LRRC7: variants seen among roughly 807,000 people sequenced by gnomAD.
LRRC7 encodes the protein leucine-rich repeat-containing protein 7.
A neutral mutation model predicts 175.7 loss-of-function variants in LRRC7; 23 were observed. The ratio of observed to expected loss-of-function variants is 0.13; its 90% CI spans 0.09 to 0.19. The LOEUF is 0.19. LRRC7 is among the 10% of genes least tolerant of loss of function. The pLI, the probability that LRRC7 is intolerant of heterozygous loss-of-function variation, is 1.00. For missense variants in LRRC7, 1,354 were observed against 1,904.7 expected, an observed-to-expected ratio of 0.71 and a Z score of 5.38; for synonymous variants, 685 against 680.9, an observed-to-expected ratio of 1.01 and a Z score of -0.09.
rs1410311411 is a variant in LRRC7, at chr1:69,717,940, G to A, written c.100+39462G>A. ...GAGAGAAAAAAAGAAAAGAAAGAAA[G>A]AAAGAAAGAAAGAAAGAAGAAAAAG... is the stretch of plus-strand genomic sequence containing the variant. On this transcript the variant is annotated intron_variant, in intron 2 of 26. Transcript: ENST00000651989. 4.0e-5 allele frequency among the ~76,000 whole-genome samples: 3 copies of A among 75,890 alleles called. 1 individual carries two copies. The highest frequency in any genetic ancestry group is 2.6e-4 in the African/African-American group (3 of 11,642). 49.8% of individuals were successfully genotyped at this position (75,890 alleles called of 152,430 possible).
intron 4 of LRRC7, among the ~76,000 whole-genome samples, chr1:69,807,114 G>A (rs973982410): frequency 2.0e-5 from 3 of 151,946 alleles, no homozygotes; most frequent in African/African-American, 7.2e-5. Context: ...GACTAGGATG[G>A]CAACCCCTGC....
At chr1:69,754,738 T>G (rs918174315) in intron 2 of LRRC7, among the ~76,000 whole-genome samples, 1 of 152,052 alleles carries the variant, frequency 6.6e-6, no homozygotes, top group Non-Finnish European at 1.5e-5. Flanking sequence ...ATGCCAATTA[T>G]GTGCATGTGA....
intron 3 of LRRC7, among the ~76,000 whole-genome samples, chr1:69,785,729 T>TA (rs1354414071): frequency 9.9e-5 from 15 of 152,262 alleles, no homozygotes; most frequent in Non-Finnish European, 1.3e-4. Flanking sequence ...AACTTTGATC[T>TA]AAAGTTAATC....
intron 3 of LRRC7, among the ~76,000 whole-genome samples, chr1:69,781,881 A>T: frequency 6.9e-6 from 1 of 144,350 alleles, no homozygotes; most frequent in Non-Finnish European, 1.5e-5. Context: ...AGGAAGAAAG[A>T]AAAGGAAGGA....
intron 3 of LRRC7, among the ~76,000 whole-genome samples, chr1:69,761,699 G>C (rs892648116): frequency 1.3e-5 from 2 of 151,898 alleles, no homozygotes; most frequent in Non-Finnish European, 2.9e-5. Flanking sequence ...GAAATAGACT[G>C]TCTGTTGTAC....
intron 7 of LRRC7, among the ~76,000 whole-genome samples, chr1:69,904,467 G>A (rs1451653394): frequency 3.3e-5 from 5 of 152,044 alleles, no homozygotes; most frequent in African/African-American, 7.2e-5. Flanking sequence ...AAAAAACCAT[G>A]CAAATGGAAA....
intron 8 of LRRC7, among the ~76,000 whole-genome samples, chr1:69,965,387 C>G (rs1470138505): frequency 1.1e-4 from 16 of 152,154 alleles, no homozygotes; most frequent in Admixed American, 1.0e-3. Flanking sequence ...GCCATTAATA[C>G]AATCCTCCGA....
chr1:69,838,422 G>T (rs1681358184), intron 7 of LRRC7, 139 bp downstream of exon 7: 8 of 638,948 alleles, frequency 1.3e-5, no homozygotes, highest in Non-Finnish European at 2.3e-5. Context: ...AAAAAGTATG[G>T]TATACTGTAA....
intron 21 of LRRC7, among the ~76,000 whole-genome samples, chr1:70,042,925 G>A (rs927786394): frequency 6.6e-6 from 1 of 151,934 alleles, no homozygotes; most frequent in African/African-American, 2.4e-5. Context: ...CCTCAGAATA[G>A]AATAGCTACC....
chr1:69,861,868 C>A (rs1684395454), intron 7 of LRRC7, among the ~76,000 whole-genome samples: 1 of 152,196 alleles, frequency 6.6e-6, no homozygotes, highest in Non-Finnish European at 1.5e-5. Context: ...GAGACAAGTG[C>A]CTGTCAGGCC....
intron 7 of LRRC7, among the ~76,000 whole-genome samples, chr1:69,857,663 A>G (rs928429851): frequency 1.9e-4 from 29 of 152,196 alleles, no homozygotes; most frequent in Non-Finnish European, 2.9e-5. Flanking sequence ...AAGAATCAAT[A>G]TCGTAAAAAT....
chr1:70,092,535 GTTAA>G (rs1162009031), intron 25 of LRRC7, among the ~76,000 whole-genome samples: 1 of 152,100 alleles, frequency 6.6e-6, no homozygotes, highest in East Asian at 1.9e-4. Context: ...CTGTACTGAA[GTTAA>G]TTAATACATT....
chr1:69,617,256 CAGGACTAGTATGGCATATAATGCAAATCG>C (rs1649777176), intron 1 of LRRC7, among the ~76,000 whole-genome samples: 1 of 151,884 alleles, frequency 6.6e-6, no homozygotes, highest in South Asian at 2.1e-4. Context: ...CAGTATTAAG[CAGGACTAGTATGGCATATAATGCAAATCG>C]AGTCAAATGC....
intron 22 of LRRC7, 88 bp downstream of exon 22, chr1:70,044,182 C>A: frequency 7.2e-7 from 1 of 1,396,656 alleles, no homozygotes; most frequent in Non-Finnish European, 9.8e-7. Context: ...ATACATACAA[C>A]CCTGCTTACT....
intron 6 of LRRC7, among the ~76,000 whole-genome samples, chr1:69,837,008 T>C (rs1681193766): frequency 6.6e-6 from 1 of 151,914 alleles, no homozygotes; most frequent in Admixed American, 6.6e-5. Context: ...ATCCAATTAA[T>C]ATCTGTTCTA....
chr1:69,941,206 G>C (rs748748483), intron 8 of LRRC7, among the ~76,000 whole-genome samples: 2 of 152,086 alleles, frequency 1.3e-5, no homozygotes. Context: ...TTAATTTGTG[G>C]AGTGGGAGAG....
rs1673661375 is a variant in LRRC7, at chr1:69,781,778, AAAGAAAGAAAGGAAGG to A, written c.304-10261_304-10246del. Among the ~76,000 whole-genome samples the A allele has an allele frequency of 5.2e-4, 32 of 61,398 alleles. 1 individual carries two copies. Among genetic ancestry groups the A allele is most frequent in the Non-Finnish European group, 7.1e-4 (22 of 31,116 alleles). 40.3% of individuals were successfully genotyped at this position (61,398 alleles called of 152,430 possible). On this transcript the variant is annotated intron_variant, in intron 3 of 26. Transcript: ENST00000651989. The stretch of plus-strand genomic sequence containing the variant: ...GAGAGAGAGAGAGAAAGAAAGAAAG[AAAGAAAGAAAGGAAGG>A]AAGGAAGGAAGGAAGGAAGGAAGGA...
chr1:69,631,746 C>T (rs1652535698), intron 1 of LRRC7, among the ~76,000 whole-genome samples: 1 of 152,084 alleles, frequency 6.6e-6, no homozygotes, highest in Non-Finnish European at 1.5e-5. Flanking sequence ...GCTTCTTCTA[C>T]CACTTTTCCT....
chr1:69,656,524 T>C (rs566605859), intron 1 of LRRC7, among the ~76,000 whole-genome samples: 2 of 152,106 alleles, frequency 1.3e-5, no homozygotes, highest in South Asian at 2.1e-4. Context: ...GTATGTGGAA[T>C]GGTAACTTTC....
Sources: gnomAD v4.1 joint callset for allele counts (sites outside exome capture counted in the v4.1 genomes callset) on GRCh38, gnomAD v4.1.1 for gene constraint, MANE v1.5 for transcripts, NCBI Gene and HGNC (gene_info 2026-07-23, HGNC 2026-07-21) for gene names.